The following PARD3B variants were observed in gnomAD, a reference collection of about 807,000 sequenced individuals.
The protein encoded by PARD3B is partitioning defective 3 homolog B.
Under a neutral mutation model 130.2 loss-of-function variants are expected in PARD3B, and 103 were observed. The observed-to-expected ratio is 0.79, with a 90% CI of 0.67 to 0.93. The LOEUF (loss-of-function observed/expected upper bound fraction) is 0.93. Among genes scored for constraint, PARD3B ranks in the 40% least tolerant of loss-of-function variants. The pLI is 0.00. For synonymous variants in PARD3B, 583 were observed against 553.2 expected (o/e 1.05, Z -0.76); for missense variants, 1,609 against 1,499.2 (o/e 1.07, Z -1.21).
chr2:205,000,472 G>T (rs762723833), intron 3 of PARD3B, among the ~76,000 whole-genome samples: 6 of 152,114 alleles, frequency 3.9e-5, no homozygotes, highest in Non-Finnish European at 7.4e-5. Context: ...TATGTTCCAT[G>T]TATGCCTGAA....
At chr2:204,645,608 A>G (rs2035244387) in intron 1 of PARD3B, among the ~76,000 whole-genome samples, 1 of 152,052 alleles carries the variant, frequency 6.6e-6, no homozygotes, top group Non-Finnish European at 1.5e-5. Context: ...TTAGCTGTCA[A>G]GTTGTGGTGT....
intron 1 of PARD3B, among the ~76,000 whole-genome samples, chr2:204,634,928 C>T (rs1315362928): frequency 6.6e-6 from 1 of 152,100 alleles, no homozygotes; most frequent in East Asian, 1.9e-4. Context: ...ATTTTCCTAT[C>T]CTGCGAGATA....
intron 4 of PARD3B, among the ~76,000 whole-genome samples, chr2:205,063,789 G>A (rs1700197043): frequency 6.6e-6 from 1 of 152,090 alleles, no homozygotes; most frequent in Non-Finnish European, 1.5e-5. Flanking sequence ...CTTGGATAAG[G>A]GAATAGAACA....
chr2:205,182,626 T>C (rs2035857900), intron 13 of PARD3B, among the ~76,000 whole-genome samples: 1 of 152,230 alleles, frequency 6.6e-6, no homozygotes, highest in Admixed American at 6.5e-5. Flanking sequence ...ACATAGTTCA[T>C]TGCAAAAGTG....
chr2:205,505,323 T>C (rs2050317436), intron 21 of PARD3B, among the ~76,000 whole-genome samples: 1 of 152,052 alleles, frequency 6.6e-6, no homozygotes, highest in African/African-American at 2.4e-5. Flanking sequence ...CACACGAACA[T>C]GGCACATGTA....
intron 2 of PARD3B, among the ~76,000 whole-genome samples, chr2:204,698,617 G>T (rs1435603402): frequency 6.6e-6 from 1 of 151,162 alleles, no homozygotes; most frequent in East Asian, 1.9e-4. Context: ...TGTCATAAAC[G>T]CTCATTATTT....
intron 2 of PARD3B, among the ~76,000 whole-genome samples, chr2:204,811,569 C>T (rs561191542): frequency 7.9e-5 from 12 of 152,108 alleles, no homozygotes; most frequent in Non-Finnish European, 1.6e-4. Flanking sequence ...TTTCTAGGTT[C>T]CTGATGAGGA....
intron 19 of PARD3B, among the ~76,000 whole-genome samples, chr2:205,431,879 C>T (rs1329725886): frequency 6.6e-6 from 1 of 152,156 alleles, no homozygotes; most frequent in African/African-American, 2.4e-5. Context: ...AATTCAATTC[C>T]TACCATTTAG....
At chr2:205,155,714 T>G (rs2034076624) in intron 10 of PARD3B, among the ~76,000 whole-genome samples, 1 of 152,154 alleles carries the variant, frequency 6.6e-6, no homozygotes, top group Non-Finnish European at 1.5e-5. Context: ...ACCTGTTGTT[T>G]CCTGACTTTT....
chr2:204,827,045 AGGT>A (rs2043608412), intron 2 of PARD3B, among the ~76,000 whole-genome samples: 1 of 152,104 alleles, frequency 6.6e-6, no homozygotes, highest in Non-Finnish European at 1.5e-5. Flanking sequence ...ATATTCTCAT[AGGT>A]TTTCGTTCTT....
At chr2:204,910,633 TTTTG>T (rs565893457) in intron 2 of PARD3B, among the ~76,000 whole-genome samples, 16 of 152,238 alleles carry the variant, frequency 1.1e-4, no homozygotes, top group Admixed American at 7.2e-4. Flanking sequence ...TTACTGTTTT[TTTTG>T]TTTGTTTGTT....
At chr2:205,191,048 A>G (rs2036366507) in intron 14 of PARD3B, among the ~76,000 whole-genome samples, 1 of 148,812 alleles carries the variant, frequency 6.7e-6, no homozygotes. Flanking sequence ...TGTATTGAGA[A>G]TGTACCCAGA....
At chr2:204,999,930 T>C (rs905398380) in intron 3 of PARD3B, among the ~76,000 whole-genome samples, 1 of 152,182 alleles carries the variant, frequency 6.6e-6, no homozygotes, top group African/African-American at 2.4e-5. Context: ...TATTTACTTA[T>C]ACGATACAAG....
chr2:204,890,961 C>G lies in PARD3B; in HGVS notation c.223-74191C>G, dbSNP rs16836720. Among the ~76,000 whole-genome samples, 1 of 152,070 alleles carries G rather than the reference C, an allele frequency of 6.6e-6. No individual in the cohort carries two copies. Among genetic ancestry groups the G allele is most frequent in the Non-Finnish European group, 1.5e-5 (1 of 68,004 alleles). On this transcript the variant is annotated intron_variant, in intron 2 of 22. Coordinates refer to ENST00000406610, the MANE Select transcript of PARD3B (RefSeq NM_001302769.2). The surrounding 1 kb of genome is among the most constrained non-coding windows in gnomAD (Gnocchi z 4.9). ...CATCCACTGCCTCCATGAGGATATT[C>G]TAGGAATCTGTATCTAATTACCTGT...
At position 204,812,048 on chromosome 2, in the gene PARD3B, C is replaced by T. The variant is rs1210892314; in HGVS notation, c.222+125766C>T. 5.9e-5 allele frequency among the ~76,000 whole-genome samples: 9 copies of T among 151,962 alleles called. No homozygotes were observed. In the South Asian group the frequency reaches 1.9e-3, roughly 32 times the overall value. On this transcript the variant is annotated intron_variant, in intron 2 of 22. Coordinates refer to ENST00000406610, the MANE Select transcript of PARD3B (RefSeq NM_001302769.2). The stretch of plus-strand genomic sequence containing the variant: ...TTTTAATAATTTTTCTCCCATGCAC[C>T]CTTCCAATCCATTCTAAACTTTTTT...
At chr2:204,717,904 A>C (rs1355694377) in intron 2 of PARD3B, among the ~76,000 whole-genome samples, 1 of 152,196 alleles carries the variant, frequency 6.6e-6, no homozygotes, top group Non-Finnish European at 1.5e-5. Flanking sequence ...TGTATGCTCC[A>C]TGGCCATAGT....
chr2:205,110,634 G>GTTTT (rs67202996), intron 5 of PARD3B, among the ~76,000 whole-genome samples: 3 of 104,664 alleles, frequency 2.9e-5, no homozygotes, highest in African/African-American at 9.7e-5. Context: ...TCTGTTTTTT[G>GTTTT]TTTTTTGTTT....
chr2:205,149,358 A>C (rs945611420), intron 10 of PARD3B, among the ~76,000 whole-genome samples: 34 of 152,084 alleles, frequency 2.2e-4, no homozygotes, highest in African/African-American at 8.2e-4. Context: ...GATTACAGGC[A>C]TGAGCCACTG....
In PARD3B at chr2:205,187,252, A is replaced by G. The variant is rs1304136315; in HGVS notation, c.2024+1389A>G. 6.6e-6 allele frequency among the ~76,000 whole-genome samples: 1 copy of G among 152,212 alleles called. No individual in the cohort carries two copies. Among genetic ancestry groups the G allele is most frequent in the Non-Finnish European group, 1.5e-5 (1 of 68,046 alleles). On this transcript the variant is annotated intron_variant, in intron 14 of 22. Coordinates refer to ENST00000406610, the MANE Select transcript of PARD3B (RefSeq NM_001302769.2). The surrounding 1 kb of genome is among the most constrained non-coding windows in gnomAD (Gnocchi z 4.9). Reference sequence around the variant, plus strand: ...AAGAAAGGGCATTTCGGGAGGGAAGAGCAGCAGAAGAAACAGCATAGAGAC... The same window carrying G: ...AAGAAAGGGCATTTCGGGAGGGAAGGGCAGCAGAAGAAACAGCATAGAGAC...
Sources: gnomAD v4.1 joint callset for allele counts (sites outside exome capture counted in the v4.1 genomes callset) on GRCh38, gnomAD v4.1.1 for gene constraint, Gnocchi (gnomAD v3.1) non-coding constraint, MANE v1.5 for transcripts, NCBI Gene and HGNC (gene_info 2026-07-23, HGNC 2026-07-21) for gene names.